The following EBP variants were observed in gnomAD, a reference collection of about 807,000 sequenced individuals.
The protein encoded by EBP is 3-beta-hydroxysteroid-Delta(8),Delta(7)-isomerase.
In EBP, 1 loss-of-function variant was observed where a neutral mutation model predicts 14.1. The ratio of observed to expected loss-of-function variants is 0.07; its 90% CI spans 0.03 to 0.34. The LOEUF is 0.34. Ranked by LOEUF, EBP falls within the 10% of genes least tolerant of loss-of-function variation. The pLI, the probability that EBP is intolerant of heterozygous loss-of-function variation, is 0.99. For missense variants in EBP, 123 were observed against 184.6 expected (o/e 0.67, Z 1.93); for synonymous variants, 72 against 77.7 (o/e 0.93, Z 0.38).
intron 2 of EBP, among the ~76,000 whole-genome samples, chrX:48,525,203 A>G (rs1193657199): frequency 8.9e-6 from 1 of 112,519 alleles, no homozygotes; most frequent in Non-Finnish European, 1.9e-5. Context: ...ATAACCAACT[A>G]TATGTAAGAT....
Position 48,528,180 on chromosome X carries a change from C to T in EBP, c.470-54C>T, listed in dbSNP as rs73485729. ...AAAGTGCTTTGGAATAGAGAATTGG[C>T]GAAAGTGTCCCCTTCCTCACTGGGG... On this transcript the variant is annotated intron_variant, in intron 4 of 4. Coordinates refer to ENST00000495186, the MANE Select transcript of EBP (RefSeq NM_006579.3). 4,511 of 1,071,083 alleles carry T rather than the reference C, an allele frequency of 4.2e-3. 142 individuals are homozygous for T. In the African/African-American group the frequency reaches 0.072, roughly 17 times the overall value. 88.3% of individuals were successfully genotyped at this position (1,071,083 alleles called of 1,213,427 possible). A position where few individuals can be genotyped will look rare whatever the true frequency, so the allele number is the denominator to read the frequency against.
chrX:48,526,952 G>A, intron 2 of EBP, 37 bp from the exon 3 acceptor site: 1 of 1,207,393 alleles, frequency 8.3e-7, no homozygotes, highest in Non-Finnish European at 1.1e-6. Context: ...TCCTTTCACT[G>A]CCTTTATTCT....
At chrX:48,523,289 T>C (rs2061768823) in intron 1 of EBP, among the ~76,000 whole-genome samples, 2 of 110,647 alleles carry the variant, frequency 1.8e-5, no homozygotes, top group African/African-American at 6.6e-5. Flanking sequence ...GCGCAGTGGC[T>C]CACGCCTGTA....
At position 48,528,481 on chromosome X, in the gene EBP, A is replaced by C. The variant is rs1556977800; in HGVS notation, c.*24A>C. The C allele has an allele frequency of 8.8e-7, 1 of 1,137,003 alleles. No individual in the cohort carries two copies. Among genetic ancestry groups the C allele is most frequent in the African/African-American group, 1.8e-5 (1 of 55,755 alleles). 93.7% of individuals were successfully genotyped at this position (1,137,003 alleles called of 1,213,427 possible). On this transcript the variant is annotated 3_prime_UTR_variant, in exon 5 of 5. Transcript: ENST00000495186. ...GAGGAGTGGTGGACCAGGCTCGAACACTGGCCGAGGAGGAGCTCTCTGCCT... is the reference window on the plus strand; with the variant it reads ...GAGGAGTGGTGGACCAGGCTCGAACCCTGGCCGAGGAGGAGCTCTCTGCCT...
intron 4 of EBP, 71 bp from the exon 5 acceptor site, chrX:48,528,163 T>C: frequency 1.1e-6 from 1 of 926,138 alleles, no homozygotes; most frequent in Non-Finnish European, 1.5e-6. Flanking sequence ...GGAAAGTGCT[T>C]TGGAATAGAG....
chrX:48,523,711 CTTTTTTTTTT>C lies in EBP; in HGVS notation c.-52_-43del. The C allele has an allele frequency of 1.2e-6, 1 of 864,910 alleles. No individual in the cohort carries two copies. The highest frequency in any genetic ancestry group is 1.6e-6 in the Non-Finnish European group (1 of 634,397). The allele number at this position is 864,910 out of a possible 1,213,427, so 71.3% of individuals were successfully genotyped here. Reference sequence around the variant, plus strand: ...TCTATTTGTCCAGGTTTTTCTGTTCCTTTTTTTTTTTTTTTTTTAACTTCCTGCCTATACA... The same window carrying C: ...TCTATTTGTCCAGGTTTTTCTGTTCCTTTTTTTTAACTTCCTGCCTATACA... On this transcript the variant is annotated 5_prime_UTR_variant, in exon 2 of 5. Coordinates refer to ENST00000495186, the MANE Select transcript of EBP (RefSeq NM_006579.3).
rs782558322 is a variant in EBP, at chrX:48,523,946, G to A, written c.175G>A (p.Gly59Arg). Residue 59 changes from glycine to arginine, a missense_variant, in exon 2 of 5, where the codon GGG becomes AGG. Physicochemically the swap from Gly to Arg is moderately radical, Grantham distance 125 (BLOSUM62 -2). Coordinates refer to ENST00000495186, the MANE Select transcript of EBP (RefSeq NM_006579.3). ...LSGRAAVVPL[G>R]TWRRLSLCWF... ...AGGTCGTGCTGCGGTTGTCCCATTGGGGACTTGGCGGCGACTGTCCCTGTG... is the reference window on the plus strand; with the variant it reads ...AGGTCGTGCTGCGGTTGTCCCATTGAGGACTTGGCGGCGACTGTCCCTGTG... 4.1e-6 allele frequency: 5 copies of A among 1,211,460 alleles called. No homozygotes were observed. The highest frequency in any genetic ancestry group is 5.6e-6 in the Non-Finnish European group (5 of 895,473).
chrX:48,528,344 G>A lies in EBP; in HGVS notation c.580G>A (p.Ala194Thr). The A allele has an allele frequency of 8.3e-7, 1 of 1,205,984 alleles. No homozygotes were observed. The highest frequency in any genetic ancestry group is 3.0e-5 in the East Asian group (1 of 33,637). Residue 194 changes from alanine (A) to threonine (T), a missense_variant, in exon 5 of 5, where the codon GCC becomes ACC. Physicochemically the swap from Ala to Thr is moderately conservative, Grantham distance 58 (BLOSUM62 0). Transcript: ENST00000495186. ...CTGGTTTTACTTTGTCTTCATGAAT[G>A]CCCTGTGGCTGGTGCTGCCTGGAGT... ...YFWFYFVFMN[A>T]LWLVLPGVLV...
At chrX:48,528,150 C>G in intron 4 of EBP, 84 bp from the exon 5 acceptor site, 2 of 821,043 alleles carry the variant, frequency 2.4e-6, no homozygotes, top group Non-Finnish European at 3.5e-6. Flanking sequence ...TGAATGATGA[C>G]TTGGAAAGTG....
intron 2 of EBP, 80 bp downstream of exon 2, chrX:48,524,152 A>G (rs1336285359): frequency 2.2e-6 from 2 of 915,087 alleles, no homozygotes; most frequent in Non-Finnish European, 1.5e-6. Context: ...CTATCCACCT[A>G]TTCTTCTTCC....
intron 2 of EBP, 118 bp from the exon 3 acceptor site, chrX:48,526,871 G>T (rs782519443): frequency 9.9e-5 from 81 of 815,111 alleles, no homozygotes; most frequent in Non-Finnish European, 1.5e-4. Context: ...TCACGGATGA[G>T]GAAGCAGACG....
chrX:48,522,969 G>A (rs964303384), intron 1 of EBP, among the ~76,000 whole-genome samples: 20 of 109,019 alleles, frequency 1.8e-4, no homozygotes, highest in Admixed American at 4.0e-4. Context: ...CACCGCGCCC[G>A]GCCTTCTTTT....
At chrX:48,526,478 G>A (rs1197571228) in intron 2 of EBP, among the ~76,000 whole-genome samples, 1 of 109,331 alleles carries the variant, frequency 9.1e-6, no homozygotes, top group Non-Finnish European at 1.9e-5. Flanking sequence ...CTGTAGGCAC[G>A]TGCCACCACG....
At chrX:48,526,864 C>T in intron 2 of EBP, 125 bp from the exon 3 acceptor site, 2 of 765,008 alleles carry the variant, frequency 2.6e-6, no homozygotes, top group Non-Finnish European at 2.0e-6. Context: ...CCCCATTTCA[C>T]GGATGAGGAA....
intron 2 of EBP, 60 bp from the exon 3 acceptor site, chrX:48,526,929 C>A: frequency 8.4e-7 from 1 of 1,183,883 alleles, no homozygotes; most frequent in Non-Finnish European, 1.1e-6. Flanking sequence ...CCCCAGCTCT[C>A]ACAAGTGTGT....
intron 4 of EBP, 132 bp from the exon 5 acceptor site, chrX:48,528,102 T>G (rs1054704657): frequency 1.9e-5 from 10 of 535,135 alleles, no homozygotes; most frequent in Admixed American, 3.8e-5. Context: ...TCTCAGATTT[T>G]CAGCTCTGTG....
chrX:48,522,910 T>C (rs782146201), intron 1 of EBP, among the ~76,000 whole-genome samples: 44 of 111,497 alleles, frequency 3.9e-4, no homozygotes, highest in African/African-American at 1.3e-3. Flanking sequence ...TGAGCTCAAG[T>C]GGTCCACTCG....
In EBP at chrX:48,528,218, C is replaced by A. The variant is rs782518370; in HGVS notation, c.470-16C>A. The A allele has an allele frequency of 8.3e-7, 1 of 1,201,740 alleles. No homozygotes were observed. Among genetic ancestry groups the A allele is most frequent in the East Asian group, 3.0e-5 (1 of 33,678 alleles). On this transcript the variant is annotated splice_polypyrimidine_tract_variant and intron_variant, in intron 4 of 4. Transcript: ENST00000495186. ...TTCCTCACTGGGGCTTCTCCTTCCC[C>A]TCCTGCCACCCACAGGCCAGATCTA...
In EBP at chrX:48,528,692, A is replaced by G. The variant is rs1446662275; in HGVS notation, c.*235A>G. 4 of 429,015 alleles carry G rather than the reference A, an allele frequency of 9.3e-6. No individual in the cohort carries two copies. The highest frequency in any genetic ancestry group is 1.6e-5 in the Non-Finnish European group (4 of 246,221). 35.4% of individuals were successfully genotyped at this position (429,015 alleles called of 1,213,427 possible). A position where few individuals can be genotyped will look rare whatever the true frequency, so the allele number is the denominator to read the frequency against. ...TATGATGGTGACGATTTTTAAAATC[A>G]GGAAATAAAAGATCTTGACTCTAAC... On this transcript the variant is annotated 3_prime_UTR_variant, in exon 5 of 5. Coordinates refer to ENST00000495186, the MANE Select transcript of EBP (RefSeq NM_006579.3).
Sources: gnomAD v4.1 joint callset for allele counts (sites outside exome capture counted in the v4.1 genomes callset) on GRCh38, gnomAD v4.1.1 for gene constraint, MANE v1.5 for transcripts, NCBI Gene and HGNC (gene_info 2026-07-23, HGNC 2026-07-21) for gene names.